The following ACMSD variants were observed in gnomAD, a reference collection of about 807,000 sequenced individuals.
ACMSD encodes the protein aminocarboxymuconate semialdehyde decarboxylase, also known as 2-amino-3-carboxymuconate-6-semialdehyde decarboxylase.
A neutral mutation model predicts 45.9 loss-of-function variants in ACMSD; 37 were observed. The ratio of observed to expected loss-of-function variants is 0.81; its 90% CI spans 0.62 to 1.06. The LOEUF (loss-of-function observed/expected upper bound fraction) is 1.06. Among genes scored for constraint, ACMSD ranks in the 50% least tolerant of loss-of-function variants. ACMSD has a pLI of 0.00. For missense variants in ACMSD, 434 were observed against 420.9 expected, an observed-to-expected ratio of 1.03 and a Z score of -0.27; for synonymous variants, 138 against 148.8, an observed-to-expected ratio of 0.93 and a Z score of 0.53.
chr2:134,896,566 T>C (rs1690163743), intron 8 of ACMSD, among the ~76,000 whole-genome samples: 1 of 152,162 alleles, frequency 6.6e-6, no homozygotes, highest in Non-Finnish European at 1.5e-5. Flanking sequence ...TCAACATAAT[T>C]ACTTATTAGA....
intron 2 of ACMSD, among the ~76,000 whole-genome samples, chr2:134,849,965 C>T (rs1483340369): frequency 4.6e-5 from 1 of 21,950 alleles, no homozygotes; most frequent in African/African-American, 4.0e-4. Context: ...GCCTTGGGAA[C>T]ACACACACAC....
intron 5 of ACMSD, among the ~76,000 whole-genome samples, chr2:134,866,666 G>A (rs1688112227): frequency 6.6e-6 from 1 of 152,208 alleles, no homozygotes; most frequent in South Asian, 2.1e-4. Context: ...ATGAGGGTAG[G>A]ATGAATCACT....
chr2:134,843,040 A>G (rs1408740996), intron 1 of ACMSD, among the ~76,000 whole-genome samples: 1 of 152,228 alleles, frequency 6.6e-6, no homozygotes. Flanking sequence ...CTTTTCTTCT[A>G]CATTAAGGAT....
Position 134,867,585 on chromosome 2 carries a change from G to A in ACMSD, c.493G>A (p.Glu165Lys), listed in dbSNP as rs757421443. The A allele has an allele frequency of 1.9e-5, 31 of 1,613,128 alleles. No homozygotes were observed. The highest frequency in any genetic ancestry group is 7.7e-5 in the South Asian group (7 of 90,922). ...QELFPVYAAAERLKCSLFVHP... is the reference protein window; with the variant it reads ...QELFPVYAAAKRLKCSLFVHP... Reference sequence around the variant, plus strand: ...TCTCATTGCTTCTTTGAAGGCAGCCGAAAGGCTGAAGTGTTCCCTGTTCGT... The same window carrying A: ...TCTCATTGCTTCTTTGAAGGCAGCCAAAAGGCTGAAGTGTTCCCTGTTCGT... The change falls in exon 6 of 10, where the codon GAA becomes AAA. Residue 165 changes from glutamate (E) to lysine (K), a missense_variant. By Grantham distance (56) the Glu-to-Lys change is moderately conservative. Transcript: ENST00000356140.
At chr2:134,847,442 A>G (rs1381185458) in intron 2 of ACMSD, among the ~76,000 whole-genome samples, 1 of 146,762 alleles carries the variant, frequency 6.8e-6, no homozygotes, top group Non-Finnish European at 1.5e-5. Flanking sequence ...ATAGATAGAT[A>G]GATAGATATA....
chr2:134,891,568 T>C (rs569047698), intron 8 of ACMSD, among the ~76,000 whole-genome samples: 155 of 152,266 alleles, frequency 1.0e-3, no homozygotes, highest in African/African-American at 3.6e-3. Flanking sequence ...ATGGCTATTA[T>C]TAAAAAGTCA....
At chr2:134,869,205 C>CATTT (rs10685496) in intron 6 of ACMSD, among the ~76,000 whole-genome samples, 65,428 of 149,398 alleles carry the variant, frequency 0.44, 14,907 homozygotes, top group Middle Eastern at 0.81. Context: ...CCCACAAGCT[C>CATTT]ATTTATTTAT....
chr2:134,895,402 A>C (rs1690080213), intron 8 of ACMSD, among the ~76,000 whole-genome samples: 1 of 143,616 alleles, frequency 7.0e-6, no homozygotes, highest in African/African-American at 2.6e-5. Context: ...AAATTAAAGA[A>C]GACCTAAATG....
intron 1 of ACMSD, 85 bp downstream of exon 1, chr2:134,838,824 C>T: frequency 2.8e-6 from 3 of 1,055,774 alleles, no homozygotes; most frequent in Non-Finnish European, 4.3e-6. Flanking sequence ...AATTAGATGT[C>T]TAGTTTATCT....
At chr2:134,871,331 T>G (rs977403610) in intron 7 of ACMSD, among the ~76,000 whole-genome samples, 1 of 152,152 alleles carries the variant, frequency 6.6e-6, no homozygotes, top group Non-Finnish European at 1.5e-5. Flanking sequence ...TATGACCTCA[T>G]GTAACCTTAA....
chr2:134,881,198 G>A (rs532424042), intron 8 of ACMSD, among the ~76,000 whole-genome samples: 3 of 152,190 alleles, frequency 2.0e-5, no homozygotes, highest in Admixed American at 1.3e-4. Context: ...ACATGGTTTC[G>A]CCATGTTGGC....
At position 134,901,709 on chromosome 2, in the gene ACMSD, G is replaced by A. The variant is rs1355702807; in HGVS notation, c.949-89G>A. 3.6e-6 allele frequency: 3 copies of A among 830,334 alleles called. No homozygotes were observed. In the African/African-American group the frequency reaches 5.2e-5, roughly 15 times the overall value. 51.4% of individuals were successfully genotyped at this position (830,334 alleles called of 1,614,324 possible). A position where few individuals can be genotyped will look rare whatever the true frequency, so the allele number is the denominator to read the frequency against. On this transcript the variant is annotated intron_variant, in intron 9 of 9. Coordinates refer to ENST00000356140, the MANE Select transcript of ACMSD (RefSeq NM_138326.3). ...TAGTATTTTTCTCTCATATTGGGGA[G>A]CTGATTTTTTTAAACCTGATCAATG...
In ACMSD at chr2:134,859,458, T is replaced by C. The variant is rs1411456210; in HGVS notation, c.199+101T>C. ...TATGTGATGGTAACTTCTGACCCCC[T>C]TTTCTCTGCCAGGACAGGCTGTTCC... On this transcript the variant is annotated intron_variant, in intron 3 of 9. Transcript: ENST00000356140. 11 of 1,113,318 alleles carry C rather than the reference T, an allele frequency of 9.9e-6. No individual in the cohort carries two copies. The South Asian group carries it at 1.6e-4, about 16-fold the overall frequency. The allele number at this position is 1,113,318 out of a possible 1,614,324, so 69.0% of individuals were successfully genotyped here. A position where few individuals can be genotyped will look rare whatever the true frequency, so the allele number is the denominator to read the frequency against.
chr2:134,870,033 C>T (rs920251428), intron 6 of ACMSD, among the ~76,000 whole-genome samples: 2 of 152,194 alleles, frequency 1.3e-5, no homozygotes, highest in East Asian at 1.9e-4. Flanking sequence ...GTGCCAGGGG[C>T]GTCTCTGCCT....
chr2:134,896,769 G>A (rs1291217355), intron 8 of ACMSD, among the ~76,000 whole-genome samples: 2 of 152,148 alleles, frequency 1.3e-5, no homozygotes, highest in East Asian at 1.9e-4. Flanking sequence ...CTCACCATAT[G>A]CGCCAGCACT....
intron 3 of ACMSD, 84 bp from the exon 4 acceptor site, chr2:134,861,885 T>G: frequency 6.7e-7 from 1 of 1,484,458 alleles, no homozygotes. Context: ...GGGTGGAGGC[T>G]TGCTGCCGCT....
intron 2 of ACMSD, among the ~76,000 whole-genome samples, chr2:134,858,998 C>A (rs1482108325): frequency 6.7e-6 from 1 of 148,508 alleles, no homozygotes; most frequent in Non-Finnish European, 1.5e-5. Flanking sequence ...CTCAGTCAGG[C>A]AGCCCAGAGA....
intron 6 of ACMSD, among the ~76,000 whole-genome samples, chr2:134,869,654 C>T (rs950223463): frequency 6.6e-6 from 1 of 152,022 alleles, no homozygotes; most frequent in African/African-American, 2.4e-5. Context: ...CAAACAAAAC[C>T]TCTGCCTTCA....
At chr2:134,871,960 CT>C (rs35987999) in intron 7 of ACMSD, among the ~76,000 whole-genome samples, 118 of 141,936 alleles carry the variant, frequency 8.3e-4, no homozygotes, top group Non-Finnish European at 8.4e-4. Context: ...TGCCTTCACT[CT>C]TTTTTTTTTT....
Sources: allele counts gnomAD v4.1 joint callset (sites outside exome capture counted in the v4.1 genomes callset), GRCh38; gene constraint gnomAD v4.1.1; transcripts MANE v1.5; gene names NCBI Gene and HGNC (gene_info 2026-07-23, HGNC 2026-07-21).